The following NFIB variants were observed in gnomAD, a reference collection of about 807,000 sequenced individuals.
NFIB encodes nuclear factor I B, also known as nuclear factor 1 B-type.
A neutral mutation model predicts 61.5 loss-of-function variants in NFIB; 11 were observed. The ratio of observed to expected loss-of-function variants is 0.18; its 90% CI spans 0.11 to 0.30. The LOEUF (loss-of-function observed/expected upper bound fraction) is 0.30, where lower values mean the gene tolerates loss of function less well. Ranked by LOEUF, NFIB falls within the 10% of genes least tolerant of loss-of-function variation. The pLI is 1.00. For synonymous variants in NFIB, 260 were observed against 216.5 expected, an observed-to-expected ratio of 1.20 and a Z score of -1.76; for missense variants, 471 against 608.9, an observed-to-expected ratio of 0.77 and a Z score of 2.38.
At chr9:14,150,599 T>C (rs2042759092) in intron 4 of NFIB, among the ~76,000 whole-genome samples, 1 of 152,102 alleles carries the variant, frequency 6.6e-6, no homozygotes, top group African/African-American at 2.4e-5. Context: ...GGAAACAGAA[T>C]ATACGAGTCC....
At chr9:14,220,844 CACACA>C (rs2131828954) in intron 2 of NFIB, among the ~76,000 whole-genome samples, 1 of 92,656 alleles carries the variant, frequency 1.1e-5, no homozygotes, top group Non-Finnish European at 1.9e-5. Context: ...AATCTCCCTA[CACACA>C]CACACACACA....
chr9:14,427,750 A>C, the NFIB span, among the ~76,000 whole-genome samples: 1 of 151,976 alleles, frequency 6.6e-6, no homozygotes, highest in Non-Finnish European at 1.5e-5. Context: ...TAGAAGAGTG[A>C]CTGGTTGGAG....
At chr9:14,442,483 C>G in the NFIB span, among the ~76,000 whole-genome samples, 1 of 152,156 alleles carries the variant, frequency 6.6e-6, no homozygotes, top group African/African-American at 2.4e-5. Flanking sequence ...CACTGGGTGG[C>G]TTCAACAGCA....
chr9:14,371,882 G>A (rs1463576969), intron 1 of NFIB, among the ~76,000 whole-genome samples: 1 of 152,130 alleles, frequency 6.6e-6, no homozygotes, highest in Non-Finnish European at 1.5e-5. Context: ...ATTTAACTAC[G>A]AAGGAATGGG....
chr9:14,164,777 C>A (rs1325338900), intron 3 of NFIB, among the ~76,000 whole-genome samples: 2 of 152,104 alleles, frequency 1.3e-5, no homozygotes, highest in African/African-American at 4.8e-5. Context: ...ATTTGCTGAA[C>A]ACTGGAACCA....
intron 2 of NFIB, among the ~76,000 whole-genome samples, chr9:14,264,773 A>G (rs1255526653): frequency 1.3e-5 from 2 of 152,174 alleles, no homozygotes; most frequent in Non-Finnish European, 2.9e-5. Context: ...CAATCAGAGA[A>G]CGTTAAAGCC....
chr9:14,296,215 T>C (rs1347767970), intron 2 of NFIB, among the ~76,000 whole-genome samples: 1 of 152,232 alleles, frequency 6.6e-6, no homozygotes, highest in Non-Finnish European at 1.5e-5. Flanking sequence ...TTCCTTCATA[T>C]ATAGTAGTAA....
chr9:14,474,253 T>C, the NFIB span, among the ~76,000 whole-genome samples: 1 of 152,168 alleles, frequency 6.6e-6, no homozygotes, highest in Non-Finnish European at 1.5e-5. Flanking sequence ...TGCTGGCACA[T>C]ACACTGTCTG....
chr9:14,417,187 G>A, the NFIB span, among the ~76,000 whole-genome samples: 20 of 152,112 alleles, frequency 1.3e-4, no homozygotes, highest in Admixed American at 5.9e-4. Context: ...CACCACACCC[G>A]GCCTTAAATC....
chr9:14,222,886 T>G (rs763437478), intron 2 of NFIB, among the ~76,000 whole-genome samples: 1 of 151,730 alleles, frequency 6.6e-6, no homozygotes, highest in Admixed American at 6.6e-5. Context: ...CTCTTTGGAC[T>G]CAACATTAAT....
chr9:14,234,670 T>G (rs1218108155), intron 2 of NFIB, among the ~76,000 whole-genome samples: 5 of 151,896 alleles, frequency 3.3e-5, no homozygotes, highest in Non-Finnish European at 7.4e-5. Context: ...TCTACTCTTT[T>G]TTTTAACATT....
rs1353805029 is a variant in NFIB, at chr9:14,125,697, G to T, written c.995C>A (p.Ser332Tyr). ...GGGGAAAGTGCTCAGTCTTGGGGAA[G>T]AATCCTGTGGAGATGCAGAGCTGAA... ...PLFSSASPQD[S>Y]SPRLSTFPQH... is the part of the protein sequence containing the mutation. Residue 332 changes from serine (S) to tyrosine (Y), a missense_variant, in exon 7 of 11, where the codon TCT becomes TAT. Coordinates refer to ENST00000380953, the MANE Select transcript of NFIB (RefSeq NM_001190737.2). 1.2e-6 allele frequency: 2 copies of T among 1,614,172 alleles called. No homozygotes were observed. Among genetic ancestry groups the T allele is most frequent in the Non-Finnish European group, 1.7e-6 (2 of 1,180,018 alleles).
chr9:14,472,300 C>A, the NFIB span, among the ~76,000 whole-genome samples: 1 of 152,198 alleles, frequency 6.6e-6, no homozygotes, highest in Admixed American at 6.5e-5. Context: ...TTGTTCTCAA[C>A]GACCTCTAGC....
intron 2 of NFIB, among the ~76,000 whole-genome samples, chr9:14,270,010 C>A (rs982631712): frequency 4.6e-5 from 7 of 152,070 alleles, no homozygotes; most frequent in Admixed American, 3.9e-4. Context: ...ACAGGTGCTA[C>A]CTGACCTCCA....
At chr9:14,297,139 T>C (rs938462053) in intron 2 of NFIB, among the ~76,000 whole-genome samples, 16 of 152,166 alleles carry the variant, frequency 1.1e-4, no homozygotes, top group Admixed American at 2.0e-4. Context: ...GGAACTGAGG[T>C]AGACGTCTGG....
At chr9:14,400,437 T>C (rs778256304), upstream of NFIB, among the ~76,000 whole-genome samples, 6 of 151,836 alleles carry the variant, frequency 4.0e-5, no homozygotes, top group Non-Finnish European at 5.9e-5. Flanking sequence ...AAATTTTGTT[T>C]TGTTTTGTTT....
chr9:14,356,306 A>G (rs35332779), intron 1 of NFIB, among the ~76,000 whole-genome samples: 2,743 of 152,306 alleles, frequency 0.018, 29 homozygotes, highest in Middle Eastern at 0.031. Flanking sequence ...TTATTTCCCA[A>G]GATTCCACAT....
intron 1 of NFIB, chr9:14,362,345 C>G (rs565287868): frequency 2.7e-4 from 41 of 152,318 alleles, no homozygotes; most frequent in African/African-American, 9.9e-4. Context: ...TTTCCCAACT[C>G]TGCCTGCCAT....
intron 10 of NFIB, among the ~76,000 whole-genome samples, chr9:14,103,478 G>A (rs995850999): frequency 6.6e-6 from 1 of 151,976 alleles, no homozygotes; most frequent in African/African-American, 2.4e-5. Flanking sequence ...TTTTCAGTGA[G>A]AATTTCCAGA....
Sources: allele counts gnomAD v4.1 joint callset (sites outside exome capture counted in the v4.1 genomes callset), GRCh38; gene constraint gnomAD v4.1.1; transcripts MANE v1.5; gene names NCBI Gene and HGNC (gene_info 2026-07-23, HGNC 2026-07-21).